Variants in SMARCC1 observed in about 807,000 individuals in gnomAD.
SMARCC1 encodes SWI/SNF related BAF chromatin remodeling complex subunit C1.
A neutral mutation model predicts 147.4 loss-of-function variants in SMARCC1; 43 were observed. The observed-to-expected ratio is 0.29, with a 90% CI of 0.23 to 0.38. SMARCC1 has a LOEUF of 0.38. SMARCC1 is among the 10% of genes least tolerant of loss of function. The pLI, the probability that SMARCC1 is intolerant of heterozygous loss-of-function variation, is 1.00. For synonymous variants in SMARCC1, 495 were observed against 484.4 expected, an observed-to-expected ratio of 1.02 and a Z score of -0.29; for missense variants, 1,119 against 1,381.1, an observed-to-expected ratio of 0.81 and a Z score of 3.01.
At chr3:47,713,046 G>A (rs899855380) in intron 8 of SMARCC1, among the ~76,000 whole-genome samples, 1 of 152,116 alleles carries the variant, frequency 6.6e-6, no homozygotes, top group African/African-American at 2.4e-5. Flanking sequence ...ATCTGGGCCA[G>A]GCGCAATGGC....
intron 18 of SMARCC1, among the ~76,000 whole-genome samples, chr3:47,674,268 C>T (rs958836032): frequency 7.9e-5 from 12 of 152,206 alleles, no homozygotes; most frequent in Admixed American, 5.9e-4. Context: ...GAGTCATGTG[C>T]TTTCATCTGG....
chr3:47,604,976 C>T (rs1437363968), intron 26 of SMARCC1, among the ~76,000 whole-genome samples: 1 of 152,222 alleles, frequency 6.6e-6, no homozygotes, highest in African/African-American at 2.4e-5. Flanking sequence ...GTTGGGATTA[C>T]AGGCGTAAGC....
At chr3:47,757,354 CAATA>C (rs1414861692) in intron 2 of SMARCC1, among the ~76,000 whole-genome samples, 3 of 152,018 alleles carry the variant, frequency 2.0e-5, no homozygotes, top group Admixed American at 6.6e-5. Context: ...GCCAAGTGGC[CAATA>C]AATAAAGTTG....
At position 47,590,772 on chromosome 3, in the gene SMARCC1, C is replaced by G. The variant is rs1258330668; in HGVS notation, c.3109G>C (p.Val1037Leu). The G allele has an allele frequency of 1.9e-6, 3 of 1,603,832 alleles. No homozygotes were observed. The highest frequency in any genetic ancestry group is 2.6e-6 in the Non-Finnish European group (3 of 1,176,026). The change falls in exon 27 of 28, where the codon GTT becomes CTT. Residue 1037 changes from valine (V) to leucine (L), a missense_variant. Physicochemically the swap from Val to Leu is conservative, Grantham distance 32. Coordinates refer to ENST00000254480, the MANE Select transcript of SMARCC1 (RefSeq NM_003074.4). ...CCAGAGGGGTGGATGTTGGCTGCAACAGTGGGAATCATGCGGCCTGGCATG... is the reference window on the plus strand; with the variant it reads ...CCAGAGGGGTGGATGTTGGCTGCAAGAGTGGGAATCATGCGGCCTGGCATG... ...QHMPGRMIPT[V>L]AANIHPSGSG...
intron 11 of SMARCC1, among the ~76,000 whole-genome samples, chr3:47,700,651 A>G (rs1052330178): frequency 6.6e-6 from 1 of 152,034 alleles, no homozygotes; most frequent in East Asian, 1.9e-4. Context: ...CAGCCTCTGG[A>G]GTAGCGGGAA....
chr3:47,695,909 CAAA>C (rs59888460), intron 11 of SMARCC1, among the ~76,000 whole-genome samples: 120,120 of 120,288 alleles, frequency 1, 59,976 homozygotes, highest in Non-Finnish European at 1. Flanking sequence ...ACTAAAAATA[CAAA>C]AAAAATCAGC....
chr3:47,643,790 T>C (rs1316213405), intron 21 of SMARCC1, among the ~76,000 whole-genome samples: 1 of 152,218 alleles, frequency 6.6e-6, no homozygotes, highest in Non-Finnish European at 1.5e-5. Flanking sequence ...GGTAATGTTC[T>C]AATACTTGGT....
At chr3:47,655,615 T>C (rs1305662205) in intron 21 of SMARCC1, among the ~76,000 whole-genome samples, 1 of 151,976 alleles carries the variant, frequency 6.6e-6, no homozygotes, top group East Asian at 1.9e-4. Flanking sequence ...CAGAATCGCT[T>C]GAGCCTGGGA....
intron 2 of SMARCC1, among the ~76,000 whole-genome samples, chr3:47,751,330 A>G (rs1307054478): frequency 6.6e-6 from 1 of 152,000 alleles, no homozygotes; most frequent in Non-Finnish European, 1.5e-5. Flanking sequence ...ATCACGAGGT[A>G]AGGAGTTCAA....
At position 47,601,047 on chromosome 3, in the gene SMARCC1, G is replaced by T. The variant is rs1395206233; in HGVS notation, c.3043+9019C>A. Among the ~76,000 whole-genome samples the T allele has an allele frequency of 2.1e-5, 3 of 141,584 alleles. No individual in the cohort carries two copies. The Admixed American group carries it at 2.2e-4, about 10-fold the overall frequency. The allele number at this position is 141,584 out of a possible 152,430, so 92.9% of individuals were successfully genotyped here. ...AGAGAGAGAGAGAGAGAGAGAGAGA[G>T]ACATGGCATCAAAACAGCAGTATCA... On this transcript the variant is annotated intron_variant, in intron 26 of 27. Coordinates refer to ENST00000254480, the MANE Select transcript of SMARCC1 (RefSeq NM_003074.4).
At chr3:47,647,086 A>C (rs534999418) in intron 21 of SMARCC1, among the ~76,000 whole-genome samples, 30 of 152,286 alleles carry the variant, frequency 2.0e-4, no homozygotes, top group Non-Finnish European at 3.8e-4. Flanking sequence ...AGAGTCTGAC[A>C]CTTTAGAGGC....
intron 2 of SMARCC1, among the ~76,000 whole-genome samples, chr3:47,765,610 C>T (rs903923923): frequency 6.6e-6 from 1 of 152,186 alleles, no homozygotes; most frequent in South Asian, 2.1e-4. Context: ...ATATACAACA[C>T]TTACGGTCTC....
chr3:47,636,183 C>A, intron 22 of SMARCC1, 47 bp from the exon 23 acceptor site: 1 of 1,029,700 alleles, frequency 9.7e-7, no homozygotes, highest in South Asian at 1.4e-5. Flanking sequence ...CAAAAAAACC[C>A]CAGACCTTTT....
chr3:47,678,132 A>C (rs1228458566), intron 16 of SMARCC1, 66 bp downstream of exon 16: 17 of 870,476 alleles, frequency 2.0e-5, no homozygotes, highest in Non-Finnish European at 3.1e-5. Flanking sequence ...AATCAAGCAA[A>C]CATTAGACAG....
chr3:47,648,143 C>T (rs772486526), intron 21 of SMARCC1, among the ~76,000 whole-genome samples: 3 of 151,746 alleles, frequency 2.0e-5, no homozygotes, highest in Non-Finnish European at 2.9e-5. Context: ...TACAGGGATG[C>T]GCCACCACAC....
chr3:47,689,517 A>T, intron 12 of SMARCC1, 93 bp from the exon 13 acceptor site: 1 of 1,039,478 alleles, frequency 9.6e-7, no homozygotes, highest in South Asian at 1.3e-5. Flanking sequence ...GATACTGGAC[A>T]GAGAAAAGGA....
intron 21 of SMARCC1, among the ~76,000 whole-genome samples, chr3:47,645,750 C>T (rs1374757644): frequency 6.6e-6 from 1 of 152,200 alleles, no homozygotes; most frequent in East Asian, 1.9e-4. Context: ...AATGACTACA[C>T]ACCATCTGTA....
chr3:47,745,277 C>A (rs2034552767), intron 3 of SMARCC1, among the ~76,000 whole-genome samples: 1 of 152,100 alleles, frequency 6.6e-6, no homozygotes, highest in Admixed American at 6.6e-5. Context: ...AACAAACAAA[C>A]AAAAATACTA....
At chr3:47,598,862 G>GAGAC (rs1553672020) in intron 26 of SMARCC1, among the ~76,000 whole-genome samples, 1 of 128,132 alleles carries the variant, frequency 7.8e-6, no homozygotes, top group African/African-American at 3.1e-5. Context: ...GAGAGAGAGA[G>GAGAC]ACACACACAC....
Sources: allele counts gnomAD v4.1 joint callset (sites outside exome capture counted in the v4.1 genomes callset), GRCh38; gene constraint gnomAD v4.1.1; transcripts MANE v1.5; gene names NCBI Gene and HGNC (gene_info 2026-07-23, HGNC 2026-07-21).